The following DNM3 variants were observed in gnomAD, a reference collection of about 807,000 sequenced individuals.
The protein encoded by DNM3 is dynamin-3.
A neutral mutation model predicts 101.6 loss-of-function variants in DNM3; 47 were observed. That is an observed-to-expected ratio of 0.46 (90% confidence interval 0.37 to 0.59). DNM3 has a LOEUF of 0.59. DNM3 is among the 20% of genes least tolerant of loss of function. The pLI is 0.00. For missense variants in DNM3, 849 were observed against 1,085.7 expected (o/e 0.78, Z 3.06); for synonymous variants, 385 against 387.9 (o/e 0.99, Z 0.09).
chr1:171,902,968 C>T (rs1470413493), intron 1 of DNM3, among the ~76,000 whole-genome samples: 3 of 152,010 alleles, frequency 2.0e-5, no homozygotes, highest in Non-Finnish European at 2.9e-5. Flanking sequence ...GCCTGGGCAG[C>T]ATAGTGGGAC....
In DNM3 at chr1:172,387,468, G is replaced by T. The variant is rs1312775991; in HGVS notation, c.2285+109G>T. ...GTCAGGAGATCGAGACCATCCTGGC[G>T]AACATAGTGAAACCCTGTCTCTACT... On this transcript the variant is annotated intron_variant, in intron 19 of 20. Coordinates refer to ENST00000627582, the MANE Select transcript of DNM3 (RefSeq NM_015569.5). The T allele has an allele frequency of 6.9e-6, 6 of 869,904 alleles. No homozygotes were observed. In the Admixed American group the frequency reaches 1.3e-4, roughly 18 times the overall value. 53.9% of individuals were successfully genotyped at this position (869,904 alleles called of 1,614,324 possible).
intron 1 of DNM3, among the ~76,000 whole-genome samples, chr1:171,856,483 T>C (rs1218760081): frequency 1.3e-5 from 2 of 152,358 alleles, no homozygotes; most frequent in East Asian, 1.9e-4. Flanking sequence ...ATTTTAATGA[T>C]ATTGATTCTT....
chr1:171,859,732 A>G (rs1314250895), intron 1 of DNM3, among the ~76,000 whole-genome samples: 1 of 152,202 alleles, frequency 6.6e-6, no homozygotes, highest in African/African-American at 2.4e-5. Context: ...ATGCCATGAC[A>G]GGAATGATCA....
chr1:172,015,380 T>G (rs189714243), intron 4 of DNM3, among the ~76,000 whole-genome samples: 2 of 152,334 alleles, frequency 1.3e-5, no homozygotes, highest in East Asian at 3.9e-4. Context: ...TTTGCAATAT[T>G]GAGTCTTTCT....
rs1436010048 is a variant in DNM3 at position 172,105,045 on chromosome 1, T to C, written c.1545+12170T>C. ...AAACACATTAATTTACATAAGGCAC[T>C]GTGTATTTTGTAACAACTCAGTTAC... is the stretch of plus-strand genomic sequence containing the variant. On this transcript the variant is annotated intron_variant, in intron 13 of 20. Coordinates refer to ENST00000627582, the MANE Select transcript of DNM3 (RefSeq NM_015569.5). Among the ~76,000 whole-genome samples the C allele has an allele frequency of 2.0e-5, 3 of 152,276 alleles. 1 individual carries two copies. Among genetic ancestry groups the C allele is most frequent in the Non-Finnish European group, 4.4e-5 (3 of 68,050 alleles).
chr1:172,248,552 G>T (rs967899196), intron 14 of DNM3, among the ~76,000 whole-genome samples: 32 of 151,998 alleles, frequency 2.1e-4, no homozygotes, highest in African/African-American at 7.7e-4. Flanking sequence ...GAAGAAAAAG[G>T]TCTATGATGT....
chr1:172,169,156 G>C (rs1183855139), intron 14 of DNM3, among the ~76,000 whole-genome samples: 2 of 151,706 alleles, frequency 1.3e-5, no homozygotes, highest in African/African-American at 4.8e-5. Flanking sequence ...TCTGCAATTT[G>C]TTTGGAATGA....
intron 14 of DNM3, among the ~76,000 whole-genome samples, chr1:172,184,999 A>G (rs2059473338): frequency 2.0e-5 from 3 of 152,062 alleles, no homozygotes; most frequent in South Asian, 4.1e-4. Context: ...AACATCTGGA[A>G]TAGAAGTAAA....
intron 4 of DNM3, among the ~76,000 whole-genome samples, chr1:172,031,157 G>A (rs986962657): frequency 7.9e-5 from 12 of 152,106 alleles, no homozygotes; most frequent in African/African-American, 2.9e-4. Context: ...CAACCCAAAT[G>A]GCCATCAGTG....
chr1:172,260,144 C>G (rs1402285399), intron 15 of DNM3, among the ~76,000 whole-genome samples: 1 of 152,104 alleles, frequency 6.6e-6, no homozygotes, highest in African/African-American at 2.4e-5. Flanking sequence ...GTGAAGATAT[C>G]ATCCCATTCT....
At chr1:172,258,497 G>A (rs1338159513) in intron 15 of DNM3, among the ~76,000 whole-genome samples, 1 of 151,956 alleles carries the variant, frequency 6.6e-6, no homozygotes, top group East Asian at 1.9e-4. Flanking sequence ...ATCTTCGTAG[G>A]TTGTATTGTC....
chr1:172,233,594 G>T (rs1382492802), intron 14 of DNM3, among the ~76,000 whole-genome samples: 1 of 152,048 alleles, frequency 6.6e-6, no homozygotes, highest in Non-Finnish European at 1.5e-5. Context: ...CAAAAAAAGA[G>T]AATTTTAGAC....
intron 11 of DNM3, among the ~76,000 whole-genome samples, chr1:172,074,929 A>C (rs10218642): frequency 0.052 from 7,848 of 152,188 alleles, 485 homozygotes; most frequent in African/African-American, 0.14. Flanking sequence ...TACACTCCCA[A>C]CAACAGTGTA....
At chr1:172,135,660 C>T (rs947630529) in intron 14 of DNM3, among the ~76,000 whole-genome samples, 16 of 151,680 alleles carry the variant, frequency 1.1e-4, no homozygotes, top group African/African-American at 3.9e-4. Flanking sequence ...TAGTAAAAAG[C>T]AAGATGTGAG....
chr1:172,136,167 T>C (rs2057217735), intron 14 of DNM3, among the ~76,000 whole-genome samples: 1 of 152,156 alleles, frequency 6.6e-6, no homozygotes, highest in Non-Finnish European at 1.5e-5. Context: ...TTTTTGTGGG[T>C]TGAAGTGTTT....
chr1:172,065,957 T>C (rs1268934750), intron 10 of DNM3, among the ~76,000 whole-genome samples: 1 of 152,150 alleles, frequency 6.6e-6, no homozygotes, highest in African/African-American at 2.4e-5. Flanking sequence ...ATTATGATGG[T>C]TTCATGAAGT....
intron 17 of DNM3, among the ~76,000 whole-genome samples, chr1:172,363,402 AC>A (rs1278492051): frequency 2.0e-5 from 3 of 151,958 alleles, no homozygotes; most frequent in Non-Finnish European, 2.9e-5. Context: ...CTATGAAGTC[AC>A]CATATCAGTC....
chr1:172,361,715 C>A (rs1460972593), intron 17 of DNM3, among the ~76,000 whole-genome samples: 2 of 151,924 alleles, frequency 1.3e-5, no homozygotes, highest in East Asian at 1.9e-4. Flanking sequence ...CCCTGAGCTC[C>A]CTGTTTGGCA....
At position 172,407,928 on chromosome 1, in the gene DNM3, C is replaced by T. The variant is rs190304835; in HGVS notation, c.*87C>T. The T allele has an allele frequency of 1.7e-4, 277 of 1,603,066 alleles. No individual in the cohort carries two copies. Among genetic ancestry groups the T allele is most frequent in the East Asian group, 1.4e-3 (62 of 44,670 alleles). On this transcript the variant is annotated 3_prime_UTR_variant, in exon 21 of 21. Coordinates refer to ENST00000627582, the MANE Select transcript of DNM3 (RefSeq NM_015569.5). ...ACCGTTGCAGTAAATCATGAGTAGT[C>T]GCATGTGTGGACATCAGTAGGCAAG...
Sources: gnomAD v4.1 joint callset for allele counts (sites outside exome capture counted in the v4.1 genomes callset) on GRCh38, gnomAD v4.1.1 for gene constraint, MANE v1.5 for transcripts, NCBI Gene and HGNC (gene_info 2026-07-23, HGNC 2026-07-21) for gene names.